ROBO2: variants seen among roughly 807,000 people sequenced by gnomAD.
The protein encoded by ROBO2 is roundabout guidance receptor 2.
Under a neutral mutation model 160.8 loss-of-function variants are expected in ROBO2, and 53 were observed. That is an observed-to-expected ratio of 0.33 (90% CI 0.26 to 0.41). ROBO2 has a LOEUF of 0.41. Among genes scored for constraint, ROBO2 ranks in the 10% least tolerant of loss-of-function variants. The pLI, the probability that ROBO2 is intolerant of heterozygous loss-of-function variation, is 1.00. For missense variants in ROBO2, 1,577 were observed against 1,722.4 expected (o/e 0.92, Z 1.49); for synonymous variants, 664 against 611.7 (o/e 1.09, Z -1.26).
At chr3:76,589,036 G>T (rs1177940573) in intron 2 of ROBO2, among the ~76,000 whole-genome samples, 1 of 152,084 alleles carries the variant, frequency 6.6e-6, no homozygotes, top group Non-Finnish European at 1.5e-5. Context: ...TGGAAATCTT[G>T]ATTTGAACAC....
At chr3:76,003,022 T>C (rs990235281) in intron 2 of ROBO2, among the ~76,000 whole-genome samples, 1 of 152,150 alleles carries the variant, frequency 6.6e-6, no homozygotes, top group African/African-American at 2.4e-5. Flanking sequence ...ACTCTATCTA[T>C]CCTTTCTTTC....
chr3:76,412,716 C>T lies in ROBO2; in HGVS notation c.109+475114C>T, dbSNP rs567714718. ...ATTCCCATGGTCTTGCACAGCTACA[C>T]CCCTGTGGTTTTGCAGGATACTGCC... On this transcript the variant is annotated intron_variant, in intron 2 of 26. Transcript: ENST00000487694. Among the ~76,000 whole-genome samples the T allele has an allele frequency of 2.2e-4, 34 of 152,300 alleles. 2 individuals are homozygous for T. In the South Asian group the frequency reaches 7.0e-3, roughly 32 times the overall value.
chr3:76,962,297 G>T (rs2079723862), intron 2 of ROBO2, among the ~76,000 whole-genome samples: 1 of 151,642 alleles, frequency 6.6e-6, no homozygotes, highest in Non-Finnish European at 1.5e-5. Flanking sequence ...ATCATACATT[G>T]CACTCCAGCC....
rs149396049 is a variant in ROBO2, at chr3:77,161,283, A to G, written c.388+62943A>G. Among the ~76,000 whole-genome samples the G allele has an allele frequency of 6.1e-3, 934 of 152,236 alleles. 11 individuals carry two copies. The highest frequency in any genetic ancestry group is 0.02 in the African/African-American group (831 of 41,542). On this transcript the variant is annotated intron_variant, in intron 2 of 25. Coordinates refer to ENST00000461745, the Ensembl canonical transcript of ROBO2. ...AAAGTTCCATCTTGCATAAAATGCA[A>G]CCTCAGCACCATTTTATGCTTAATT...
intron 2 of ROBO2, among the ~76,000 whole-genome samples, chr3:77,406,437 A>G (rs2076261103): frequency 6.6e-6 from 1 of 152,204 alleles, no homozygotes; most frequent in African/African-American, 2.4e-5. Context: ...TGAAAATGGC[A>G]GAGTCAGAAA....
intron 2 of ROBO2, among the ~76,000 whole-genome samples, chr3:76,914,385 A>G (rs2076183053): frequency 6.6e-6 from 1 of 152,164 alleles, no homozygotes; most frequent in South Asian, 2.1e-4. Flanking sequence ...CTGCTCAAAT[A>G]TACATTAGAG....
At chr3:76,093,344 T>C (rs2069307522) in intron 2 of ROBO2, among the ~76,000 whole-genome samples, 1 of 152,002 alleles carries the variant, frequency 6.6e-6, no homozygotes. Flanking sequence ...TAGATCATCT[T>C]TGCCACACAA....
chr3:76,248,554 G>C (rs543099379), intron 2 of ROBO2, among the ~76,000 whole-genome samples: 1 of 151,294 alleles, frequency 6.6e-6, no homozygotes, highest in Admixed American at 6.6e-5. Flanking sequence ...TGACAAGTTA[G>C]TGGGTGCAGC....
intron 2 of ROBO2, among the ~76,000 whole-genome samples, chr3:76,504,481 C>G (rs1338190585): frequency 6.8e-6 from 1 of 148,032 alleles, no homozygotes; most frequent in Non-Finnish European, 1.5e-5. Flanking sequence ...TCTGGTTATT[C>G]CTTCACTAAA....
chr3:76,658,965 G>A (rs2091700007), intron 2 of ROBO2, among the ~76,000 whole-genome samples: 1 of 152,080 alleles, frequency 6.6e-6, no homozygotes, highest in African/African-American at 2.4e-5. Context: ...GAGATACAAT[G>A]ACGGTATGAA....
rs75978379 is a variant in ROBO2, at chr3:76,432,271, G to T, written c.109+494669G>T. 3.3e-5 allele frequency among the ~76,000 whole-genome samples: 5 copies of T among 152,230 alleles called. No individual in the cohort carries two copies. In the East Asian group the frequency reaches 7.7e-4, roughly 24 times the overall value. On this transcript the variant is annotated intron_variant, in intron 2 of 26. Coordinates refer to the ROBO2 transcript ENST00000487694. ...TAGAGAAAATGAAGACATTAGCATA[G>T]AATATTTTATTATTTTCTCCCCAAA... is the stretch of plus-strand genomic sequence containing the variant.
intron 2 of ROBO2, among the ~76,000 whole-genome samples, chr3:76,328,298 C>T (rs1344016993): frequency 2.0e-5 from 3 of 152,140 alleles, no homozygotes; most frequent in Non-Finnish European, 4.4e-5. Flanking sequence ...CTGAATATCC[C>T]ATTAACCAAT....
chr3:76,141,970 T>C (rs2071686771), intron 2 of ROBO2, among the ~76,000 whole-genome samples: 1 of 151,902 alleles, frequency 6.6e-6, no homozygotes, highest in South Asian at 2.1e-4. Context: ...ACTAAGAAGG[T>C]CAACAGTTTT....
chr3:76,452,328 TC>T (rs1197428208), intron 2 of ROBO2, among the ~76,000 whole-genome samples: 2 of 151,632 alleles, frequency 1.3e-5, no homozygotes, highest in Non-Finnish European at 2.9e-5. Flanking sequence ...CCCTCCCCCT[TC>T]CCCCCACACA....
At chr3:76,323,924 C>A (rs897385179) in intron 2 of ROBO2, among the ~76,000 whole-genome samples, 3 of 152,122 alleles carry the variant, frequency 2.0e-5, no homozygotes, top group African/African-American at 4.8e-5. Flanking sequence ...GAACTCCTCT[C>A]AATAAAAGTT....
chr3:76,587,955 T>G (rs543093283), intron 2 of ROBO2, among the ~76,000 whole-genome samples: 3 of 152,312 alleles, frequency 2.0e-5, no homozygotes, highest in Admixed American at 2.0e-4. Context: ...TAGCTAGCTT[T>G]GTTACTGAAT....
At position 76,820,996 on chromosome 3, in the gene ROBO2, T is replaced by C. The variant is rs764370247; in HGVS notation, c.110-277018T>C. Among the ~76,000 whole-genome samples, 8 of 151,996 alleles carry C rather than the reference T, an allele frequency of 5.3e-5. No homozygotes were observed. In the South Asian group the frequency reaches 1.0e-3, roughly 20 times the overall value. On this transcript the variant is annotated intron_variant, in intron 2 of 26. Transcript: ENST00000487694. ...AAAAAAATCAACACTTGGAAGCTGG[T>C]GAAAATTTTAAGTTGAGCTCACAGA...
rs1433740534 is a variant in ROBO2 at position 77,180,416 on chromosome 3, C to CTCTCTATATA, written c.388+82077_388+82078insCTCTATATAT. On this transcript the variant is annotated intron_variant, in intron 2 of 25. Coordinates refer to ENST00000461745, the Ensembl canonical transcript of ROBO2. ...TCTCTCTCTCTCTCTCTCTCTCTCTCTATATATATATATATGTATTTTTTT... is the reference window on the plus strand; with the variant it reads ...TCTCTCTCTCTCTCTCTCTCTCTCTCTCTCTATATATATATATATATATATGTATTTTTTT... Among the ~76,000 whole-genome samples, 73 of 90,722 alleles carry CTCTCTATATA rather than the reference C, an allele frequency of 8.0e-4. 1 individual carries two copies. Among genetic ancestry groups the CTCTCTATATA allele is most frequent in the African/African-American group, 1.9e-3 (50 of 26,024 alleles). 59.5% of individuals were successfully genotyped at this position (90,722 alleles called of 152,430 possible). A position where few individuals can be genotyped will look rare whatever the true frequency, so the allele number is the denominator to read the frequency against.
intron 2 of ROBO2, among the ~76,000 whole-genome samples, chr3:77,320,132 C>A (rs1301267402): frequency 6.6e-6 from 1 of 152,146 alleles, no homozygotes; most frequent in African/African-American, 2.4e-5. Context: ...CATTCAGCCA[C>A]CATTCATGAA....
Sources: allele counts gnomAD v4.1 joint callset (sites outside exome capture counted in the v4.1 genomes callset), GRCh38; gene constraint gnomAD v4.1.1; transcripts MANE v1.5; gene names NCBI Gene and HGNC (gene_info 2026-07-23, HGNC 2026-07-21).